The following BIN1 variants were observed in gnomAD, a reference collection of about 807,000 sequenced individuals.
The protein encoded by BIN1 is bridging integrator 1.
In BIN1, 53 loss-of-function variants were observed where a neutral mutation model predicts 82.0. That is an observed-to-expected ratio of 0.65 (90% confidence interval 0.52 to 0.81). The LOEUF is 0.81. Ranked by LOEUF, BIN1 falls within the 40% of genes least tolerant of loss-of-function variation. BIN1 has a pLI of 0.00. For missense variants in BIN1, 642 were observed against 784.4 expected (o/e 0.82, Z 2.17); for synonymous variants, 302 against 328.0 (o/e 0.92, Z 0.86).
At chr2:127,064,539 C>T (rs1684904400) in intron 7 of BIN1, among the ~76,000 whole-genome samples, 1 of 152,220 alleles carries the variant, frequency 6.6e-6, no homozygotes, top group Non-Finnish European at 1.5e-5. Flanking sequence ...AGCCACCAGC[C>T]TTCACTTCAC....
At chr2:127,101,003 G>GGGC (rs983164651) in intron 1 of BIN1, among the ~76,000 whole-genome samples, 2 of 137,752 alleles carry the variant, frequency 1.5e-5, no homozygotes, top group East Asian at 2.1e-4. Flanking sequence ...AATGTGCGGG[G>GGGC]GGTGGGGATA....
intron 1 of BIN1, among the ~76,000 whole-genome samples, chr2:127,092,937 CAGTTCA>C (rs1176000236): frequency 6.6e-6 from 1 of 151,496 alleles, no homozygotes; most frequent in Non-Finnish European, 1.5e-5. Context: ...AAGAGCAGCA[CAGTTCA>C]ACAGTAAGGG....
Position 127,057,338 on chromosome 2 carries a change from G to A in BIN1, c.1131+135C>T, listed in dbSNP as rs1683825027. ...GAGGATGATGGATGGAGGGAACAAA[G>A]GGTGAGAGAGGGAAACTGACACTCT... On this transcript the variant is annotated intron_variant, in intron 12 of 18. Transcript: ENST00000316724. The surrounding 1 kb of genome is among the most constrained non-coding windows in gnomAD (Gnocchi z 5.0). 8.2e-7 allele frequency: 1 copy of A among 1,221,766 alleles called. No individual in the cohort carries two copies. The allele number at this position is 1,221,766 out of a possible 1,614,324, so 75.7% of individuals were successfully genotyped here.
Position 127,068,376 on chromosome 2 carries a change from A to G in BIN1, c.520-121T>C, listed in dbSNP as rs1240688062. ...CCCACGCGCGGGGGCCACCCCAAGC[A>G]GATATGGGCCCTTGAGGCCGAGAGA... On this transcript the variant is annotated intron_variant, in intron 6 of 18. Coordinates refer to ENST00000316724, the MANE Select transcript of BIN1 (RefSeq NM_139343.3). This position sits in a 1 kb window ranked among gnomAD's most constrained non-coding sequence, Gnocchi z 4.9. 6 of 725,954 alleles carry G rather than the reference A, an allele frequency of 8.3e-6. No individual in the cohort carries two copies. The highest frequency in any genetic ancestry group is 1.4e-5 in the Non-Finnish European group (6 of 435,650). The allele number at this position is 725,954 out of a possible 1,614,324, so 45.0% of individuals were successfully genotyped here.
rs1313484404 is a variant in BIN1 at position 127,081,892 on chromosome 2, T to A, written c.85-5186A>T. The A allele has an allele frequency of 2.3e-6, 3 of 1,282,150 alleles. No homozygotes were observed. The African/African-American group carries it at 4.6e-5, about 20-fold the overall frequency. 79.4% of individuals were successfully genotyped at this position (1,282,150 alleles called of 1,614,324 possible). On this transcript the variant is annotated intron_variant, in intron 1 of 18. Coordinates refer to ENST00000316724, the MANE Select transcript of BIN1 (RefSeq NM_139343.3). ...GAAGGGCGGGCTGAGAAGTGAGCCC[T>A]GTCTCGCCCCTTCCTCCCAGCAGAG...
rs61748158 is a variant in BIN1 at position 127,070,022 on chromosome 2, C to T, written c.384G>A (p.Thr128=). The T allele has an allele frequency of 4.0e-4, 648 of 1,614,128 alleles. 1 individual carries two copies. In the African/African-American group the frequency reaches 6.6e-3, roughly 16 times the overall value. The change falls in exon 5 of 19, where the codon ACG becomes ACA. Residue 128 remains threonine (T), a synonymous_variant. Transcript: ENST00000316724. ...LVDQALLTMD[T]YLGQFPDIKS... is the part of the protein sequence containing the mutation. ...TGATGTCGGGGAACTGGCCCAGGTA[C>T]GTGTCCATGGTCAGCAGCGCCTGGT...
intron 2 of BIN1, among the ~76,000 whole-genome samples, chr2:127,074,645 C>G (rs1444671633): frequency 2.0e-5 from 3 of 152,238 alleles, no homozygotes; most frequent in Non-Finnish European, 4.4e-5. Context: ...CCAGGCCACA[C>G]AGAGTCTCAG....
Position 127,062,132 on chromosome 2 carries a change from C to T in BIN1, c.840G>A (p.Thr280=), listed in dbSNP as rs991274738. 15 of 1,609,614 alleles carry T rather than the reference C, an allele frequency of 9.3e-6. No individual in the cohort carries two copies. Among genetic ancestry groups the T allele is most frequent in the African/African-American group, 8.0e-5 (6 of 74,848 alleles). The change falls in exon 10 of 19, where the codon ACG becomes ACA. Residue 280 remains threonine, a synonymous_variant. Coordinates refer to ENST00000316724, the MANE Select transcript of BIN1 (RefSeq NM_139343.3). ...LEKQHGSNTF[T]VKAQPSDNAP... ...GCACGCACCTGGGCTGGGCCTTGACCGTGAAGGTGTTGCTCCCGTGTTGCT... is the reference window on the plus strand; with the variant it reads ...GCACGCACCTGGGCTGGGCCTTGACTGTGAAGGTGTTGCTCCCGTGTTGCT...
At chr2:127,050,587 G>A in intron 17 of BIN1, 65 bp from the exon 18 acceptor site, 1 of 1,569,128 alleles carries the variant, frequency 6.4e-7, no homozygotes, top group Non-Finnish European at 8.8e-7. Flanking sequence ...CAGAGCACGG[G>A]CCTTGCGTGT....
Position 127,063,856 on chromosome 2 carries a change from A to G in BIN1, c.698+77T>C, listed in dbSNP as rs368895067. 1.1e-4 allele frequency: 166 copies of G among 1,561,010 alleles called. 1 individual carries two copies. The African/African-American group carries it at 1.7e-3, about 16-fold the overall frequency. Reference sequence around the variant, plus strand: ...CACCGCAGCACGCAGGCTGGGCACCACAGCACGCAGACTGGGCACCGCAGC... The same window carrying G: ...CACCGCAGCACGCAGGCTGGGCACCGCAGCACGCAGACTGGGCACCGCAGC... On this transcript the variant is annotated intron_variant, in intron 8 of 18. Coordinates refer to ENST00000316724, the MANE Select transcript of BIN1 (RefSeq NM_139343.3).
At chr2:127,102,433 A>G (rs1680470387) in intron 1 of BIN1, among the ~76,000 whole-genome samples, 1 of 152,236 alleles carries the variant, frequency 6.6e-6, no homozygotes, top group South Asian at 2.1e-4. Context: ...ACTTCATGAA[A>G]TATGGAGGGA....
chr2:127,089,202 C>T (rs1385458082), intron 1 of BIN1, among the ~76,000 whole-genome samples: 1 of 152,182 alleles, frequency 6.6e-6, no homozygotes, highest in Non-Finnish European at 1.5e-5. Context: ...CTGGGTCCAT[C>T]GGTGAGGAGC....
intron 2 of BIN1, among the ~76,000 whole-genome samples, chr2:127,073,151 G>A (rs1249279843): frequency 6.6e-6 from 1 of 152,238 alleles, no homozygotes; most frequent in Non-Finnish European, 1.5e-5. Context: ...ACGCAGATGT[G>A]CAAGGGGCCG....
chr2:127,085,874 G>A (rs1342465589), intron 1 of BIN1, among the ~76,000 whole-genome samples: 2 of 152,170 alleles, frequency 1.3e-5, no homozygotes, highest in East Asian at 1.9e-4. Flanking sequence ...CTAGGGACAG[G>A]CATCTGTCAA....
At chr2:127,062,254 C>T (rs1443297729) in intron 9 of BIN1, 57 bp from the exon 10 acceptor site, 1 of 1,502,340 alleles carries the variant, frequency 6.7e-7, no homozygotes, top group Admixed American at 1.9e-5. Flanking sequence ...ACGGCCCCAC[C>T]TTCCCCAAAC....
At chr2:127,060,480 T>C in intron 10 of BIN1, 16 of 1,495,612 alleles carry the variant, frequency 1.1e-5, no homozygotes, top group Non-Finnish European at 1.5e-5. Flanking sequence ...CGGGCAGCAC[T>C]GCACACAGAG....
intron 2 of BIN1, among the ~76,000 whole-genome samples, chr2:127,071,578 G>A (rs1685902142): frequency 6.6e-6 from 1 of 152,142 alleles, no homozygotes; most frequent in Non-Finnish European, 1.5e-5. Context: ...AGTCCCTCTG[G>A]GACATCAAAA....
chr2:127,060,767 G>A (rs1211916249), intron 10 of BIN1: 23 of 1,257,236 alleles, frequency 1.8e-5, no homozygotes, highest in Non-Finnish European at 2.4e-5. Flanking sequence ...CCTCTCCTAA[G>A]TGCCAGAGGC....
rs138606879 is a variant in BIN1 at position 127,057,464 on chromosome 2, G to A, written c.1131+9C>T. ...AGAGGAGAGCTGGGCCGCGGCGGCC[G>A]CGGCTGACCTGGGAGGGGGTGGTCA... On this transcript the variant is annotated intron_variant, in intron 12 of 18. Transcript: ENST00000316724. The surrounding 1 kb of genome is among the most constrained non-coding windows in gnomAD (Gnocchi z 5.0). The A allele has an allele frequency of 1.4e-4, 217 of 1,544,412 alleles. 2 individuals carry two copies. The East Asian group carries it at 1.6e-3, about 11-fold the overall frequency.
Sources: gnomAD v4.1 joint callset for allele counts (sites outside exome capture counted in the v4.1 genomes callset) on GRCh38, gnomAD v4.1.1 for gene constraint, Gnocchi (gnomAD v3.1) non-coding constraint, MANE v1.5 for transcripts, NCBI Gene and HGNC (gene_info 2026-07-23, HGNC 2026-07-21) for gene names.